The following RND1 variants were observed in gnomAD, a reference collection of about 807,000 sequenced individuals.
The protein encoded by RND1 is Rho family GTPase 1, also known as rho-related GTP-binding protein Rho6.
A neutral mutation model predicts 27.1 loss-of-function variants in RND1; 9 were observed. The ratio of observed to expected loss-of-function variants is 0.33; its 90% CI spans 0.20 to 0.58. The LOEUF is 0.58. RND1 is among the 20% of genes least tolerant of loss of function. The pLI, the probability that RND1 is intolerant of heterozygous loss-of-function variation, is 0.86. For synonymous variants in RND1, 108 were observed against 115.7 expected, an observed-to-expected ratio of 0.93 and a Z score of 0.43; for missense variants, 253 against 292.2, an observed-to-expected ratio of 0.87 and a Z score of 0.98.
intron 4 of RND1, among the ~76,000 whole-genome samples, chr12:48,859,821 G>C (rs1938894612): frequency 1.3e-5 from 2 of 152,170 alleles, no homozygotes; most frequent in Admixed American, 6.5e-5. Context: ...GGGAGGTCAA[G>C]GCTGCATAAA....
intron 4 of RND1, among the ~76,000 whole-genome samples, chr12:48,860,315 C>A (rs1232428652): frequency 6.6e-6 from 1 of 151,962 alleles, no homozygotes; most frequent in Non-Finnish European, 1.5e-5. Context: ...AATTCCTGAG[C>A]TCAAGTGATC....
At chr12:48,864,156 A>G (rs1416714224) in intron 2 of RND1, among the ~76,000 whole-genome samples, 10 of 152,082 alleles carry the variant, frequency 6.6e-5, no homozygotes, top group African/African-American at 2.4e-5. Context: ...ATCTCCCCCA[A>G]CTTCCAAAAC....
At chr12:48,862,199 T>C in intron 2 of RND1, 81 bp from the exon 3 acceptor site, 1 of 782,180 alleles carries the variant, frequency 1.3e-6, no homozygotes. Flanking sequence ...GCCCTGGGAA[T>C]ACCATCCTCA....
At position 48,861,130 on chromosome 12, in the gene RND1, C is replaced by T. The variant is rs1453280482; in HGVS notation, c.320G>A (p.Trp107Ter). The T allele has an allele frequency of 1.9e-6, 3 of 1,607,074 alleles. No individual in the cohort carries two copies. Among genetic ancestry groups the T allele is most frequent in the Admixed American group, 1.7e-5 (1 of 59,594 alleles). The stretch of plus-strand genomic sequence containing the variant: ...ACAATAATCTAGGATTTCTGTCCTC[C>T]ACTGAGGGGTGGAGCAGGAAGAAGG... Reference protein sequence around the residue: ...PETVDSALKKWRTEILDYCPS... With the variant: ...PETVDSALKK The change falls in exon 4 of 5, where the codon TGG becomes TAG. Residue 107 changes from tryptophan to a stop codon, truncating the protein, a stop_gained and splice_region_variant. Transcript: ENST00000309739. LOFTEE classifies it high-confidence loss of function.
At chr12:48,862,649 C>T (rs1465574609) in intron 2 of RND1, among the ~76,000 whole-genome samples, 3 of 152,168 alleles carry the variant, frequency 2.0e-5, no homozygotes, top group Non-Finnish European at 2.9e-5. Context: ...TCTCCACCCA[C>T]CCAGATCGGC....
chr12:48,864,097 T>G (rs1409205897), intron 2 of RND1, among the ~76,000 whole-genome samples: 1 of 152,138 alleles, frequency 6.6e-6, no homozygotes, highest in South Asian at 2.1e-4. Flanking sequence ...CAACCTCCCC[T>G]CTGCCCTGCC....
At chr12:48,863,852 G>T (rs1299303839) in intron 2 of RND1, among the ~76,000 whole-genome samples, 2 of 152,048 alleles carry the variant, frequency 1.3e-5, no homozygotes, top group Non-Finnish European at 2.9e-5. Flanking sequence ...TTTGGGGAGG[G>T]GTGGATTTTA....
Position 48,858,172 on chromosome 12 carries a change from T to C in RND1, c.523A>G (p.Ser175Gly), listed in dbSNP as rs1224978891. ...LEGSAFTSEK[S>G]IHSIFRTASM... ...GCCGTCCGAAAGATGCTGTGGATGC[T>C]CTTTTCTGAGGTGAAAGCTGAGCCT... The change falls in exon 5 of 5, where the codon AGC becomes GGC. Residue 175 changes from serine (S) to glycine (G), a missense_variant. Physicochemically the swap from Ser to Gly is moderately conservative, Grantham distance 56. Transcript: ENST00000309739. The C allele has an allele frequency of 6.2e-6, 10 of 1,614,112 alleles. No homozygotes were observed. The Admixed American group carries it at 1.7e-4, about 27-fold the overall frequency.
intron 4 of RND1, among the ~76,000 whole-genome samples, chr12:48,860,562 T>A (rs992988811): frequency 1.4e-5 from 2 of 146,870 alleles, no homozygotes; most frequent in African/African-American, 5.0e-5. Flanking sequence ...CAGCTATTTT[T>A]TTTTTTTTTT....
intron 2 of RND1, among the ~76,000 whole-genome samples, chr12:48,864,025 C>A (rs1192439482): frequency 1.3e-5 from 2 of 152,048 alleles, no homozygotes; most frequent in African/African-American, 4.8e-5. Flanking sequence ...AACATTGTTT[C>A]TACATTCTAG....
chr12:48,863,771 T>A (rs1166801893), intron 2 of RND1, among the ~76,000 whole-genome samples: 1 of 152,172 alleles, frequency 6.6e-6, no homozygotes, highest in Non-Finnish European at 1.5e-5. Context: ...CAGGACAGCA[T>A]ATTTATTATA....
intron 4 of RND1, among the ~76,000 whole-genome samples, 170 bp downstream of exon 4, chr12:48,860,827 A>C (rs1241229626): frequency 1.3e-5 from 2 of 152,304 alleles, no homozygotes; most frequent in South Asian, 2.1e-4. Context: ...GACAGCATAC[A>C]TCTGGGTAAG....
At chr12:48,859,160 A>T (rs1314158977) in intron 4 of RND1, 1 of 150,764 alleles carries the variant, frequency 6.6e-6, no homozygotes, top group East Asian at 2.0e-4. Flanking sequence ...GTGTTTCACC[A>T]TGTTAGCCAG....
In RND1 at chr12:48,857,981, C is replaced by T. The variant is rs201072855; in HGVS notation, c.*15G>A. On this transcript the variant is annotated 3_prime_UTR_variant, in exon 5 of 5. Coordinates refer to ENST00000309739, the MANE Select transcript of RND1 (RefSeq NM_014470.4). ...GGAGGAAGTAGGGGGTTGTCTCCCC[C>T]CTCCAATTTCCACTTCACATAATGG... The T allele has an allele frequency of 2.5e-6, 4 of 1,576,824 alleles. No homozygotes were observed. The highest frequency in any genetic ancestry group is 3.6e-5 in the Admixed American group (2 of 55,716).
intron 4 of RND1, 110 bp downstream of exon 4, chr12:48,860,887 C>T: frequency 6.7e-7 from 1 of 1,490,786 alleles, no homozygotes; most frequent in Admixed American, 1.7e-5. Context: ...ATTATAACAG[C>T]AATTCTCTCT....
Position 48,860,983 on chromosome 12 carries a change from G to C in RND1, c.453+14C>G. Reference sequence around the variant, plus strand: ...TCACTCCACCCCACGACATGCACTTGCATGCGCACACACCTGCTCATAGGA... The same window carrying C: ...TCACTCCACCCCACGACATGCACTTCCATGCGCACACACCTGCTCATAGGA... On this transcript the variant is annotated intron_variant, in intron 4 of 4. Coordinates refer to ENST00000309739, the MANE Select transcript of RND1 (RefSeq NM_014470.4). The C allele has an allele frequency of 6.2e-7, 1 of 1,612,760 alleles. No homozygotes were observed. Among genetic ancestry groups the C allele is most frequent in the South Asian group, 1.1e-5 (1 of 91,026 alleles).
Position 48,857,882 on chromosome 12 carries a change from G to A in RND1, c.*114C>T. On this transcript the variant is annotated 3_prime_UTR_variant, in exon 5 of 5. Coordinates refer to ENST00000309739, the MANE Select transcript of RND1 (RefSeq NM_014470.4). ...CTGTCTCCTTCCAAGCCCTCACCGT[G>A]GCCATCTGAAAAACTCATGTCCAGT... 7.7e-7 allele frequency: 1 copy of A among 1,290,452 alleles called. No individual in the cohort carries two copies. Among genetic ancestry groups the A allele is most frequent in the South Asian group, 1.5e-5 (1 of 64,676 alleles). The allele number at this position is 1,290,452 out of a possible 1,614,324, so 79.9% of individuals were successfully genotyped here. A position where few individuals can be genotyped will look rare whatever the true frequency, so the allele number is the denominator to read the frequency against.
chr12:48,865,549 C>T (rs965557634), intron 1 of RND1, 99 bp downstream of exon 1: 69 of 1,398,032 alleles, frequency 4.9e-5, no homozygotes, highest in Admixed American at 7.9e-5. Flanking sequence ...TGAGGATGGG[C>T]TGGGGCTGGG....
intron 4 of RND1, among the ~76,000 whole-genome samples, chr12:48,860,557 ATTTTTTTTTTT>A (rs34655698): frequency 9.9e-5 from 7 of 70,636 alleles, no homozygotes; most frequent in African/African-American, 3.6e-4. Flanking sequence ...ACACCCAGCT[ATTTTTTTTTTT>A]TTTTTTTTTT....
Sources: allele counts gnomAD v4.1 joint callset (sites outside exome capture counted in the v4.1 genomes callset), GRCh38; gene constraint gnomAD v4.1.1; transcripts MANE v1.5; gene names NCBI Gene and HGNC (gene_info 2026-07-23, HGNC 2026-07-21).